POU6F2: variants seen among roughly 807,000 people sequenced by gnomAD.
The protein encoded by POU6F2 is POU class 6 homeobox 2.
A neutral mutation model predicts 71.3 loss-of-function variants in POU6F2; 31 were observed. The observed-to-expected ratio is 0.43, with a 90% CI of 0.33 to 0.59. POU6F2 has a LOEUF of 0.59. Among genes scored for constraint, POU6F2 ranks in the 20% least tolerant of loss-of-function variants. The probability of loss-of-function intolerance (pLI) is 0.04; values close to 1 mark genes in which losing one functional copy is unlikely to be tolerated. For missense variants in POU6F2, 783 were observed against 856.8 expected (o/e 0.91, Z 1.07); for synonymous variants, 347 against 355.7 (o/e 0.98, Z 0.27).
At chr7:39,211,346 G>T (rs1010504497) in intron 4 of POU6F2, among the ~76,000 whole-genome samples, 2 of 152,082 alleles carry the variant, frequency 1.3e-5, no homozygotes, top group Admixed American at 1.3e-4. Context: ...ACCACCCCAG[G>T]CCTCCAGATG....
chr7:39,428,778 C>G (rs28558150), intron 6 of POU6F2, among the ~76,000 whole-genome samples: 3 of 152,000 alleles, frequency 2.0e-5, no homozygotes, highest in African/African-American at 4.8e-5. Flanking sequence ...CCCTACACTC[C>G]CGTCAAAACT....
chr7:39,378,885 C>T (rs1485463566), intron 5 of POU6F2, among the ~76,000 whole-genome samples: 1 of 152,212 alleles, frequency 6.6e-6, no homozygotes, highest in Admixed American at 6.5e-5. Context: ...TCTTTAAGCT[C>T]TCTTGATGCT....
intron 6 of POU6F2, among the ~76,000 whole-genome samples, chr7:39,432,535 A>AT (rs1290617969): frequency 3.3e-5 from 5 of 152,140 alleles, no homozygotes; most frequent in Non-Finnish European, 7.4e-5. Context: ...ACCACTGTGA[A>AT]CACCAGGGTG....
intron 2 of POU6F2, among the ~76,000 whole-genome samples, chr7:39,095,753 C>G (rs1791442751): frequency 6.6e-6 from 1 of 152,080 alleles, no homozygotes; most frequent in South Asian, 2.1e-4. Flanking sequence ...TAAGTTAAAA[C>G]AAGAACCACA....
chr7:38,991,519 T>C (rs1404028476), intron 1 of POU6F2, among the ~76,000 whole-genome samples: 1 of 152,202 alleles, frequency 6.6e-6, no homozygotes, highest in African/African-American at 2.4e-5. Flanking sequence ...AGGAAAAAGA[T>C]CAAATTCACA....
intron 2 of POU6F2, among the ~76,000 whole-genome samples, chr7:39,088,702 A>C (rs1435053867): frequency 6.6e-6 from 1 of 152,228 alleles, no homozygotes; most frequent in African/African-American, 2.4e-5. Flanking sequence ...TGATATGTTT[A>C]GTTTCATGGA....
intron 4 of POU6F2, among the ~76,000 whole-genome samples, chr7:39,321,631 G>A (rs1327924217): frequency 1.3e-5 from 2 of 152,196 alleles, no homozygotes; most frequent in African/African-American, 4.8e-5. Context: ...GCATTTGCAT[G>A]TCTGTTTTCC....
rs559107905 is a variant in POU6F2, at chr7:39,024,483, T to C, written c.105+46425T>C. ...CAATTTGACTTCCTCTTTTCCTAAT[T>C]GAATACCCTTTATTTCCTTCTCCTG... is the stretch of plus-strand genomic sequence containing the variant. On this transcript the variant is annotated intron_variant, in intron 1 of 9. Coordinates refer to ENST00000518318, the MANE Select transcript of POU6F2 (RefSeq NM_001370959.1). Among the ~76,000 whole-genome samples, 1,211 of 152,192 alleles carry C rather than the reference T, an allele frequency of 8.0e-3. 14 individuals carry two copies. The highest frequency in any genetic ancestry group is 0.028 in the African/African-American group (1,146 of 41,518).
At chr7:39,096,742 G>A (rs1488067771) in intron 2 of POU6F2, among the ~76,000 whole-genome samples, 1 of 122,480 alleles carries the variant, frequency 8.2e-6, no homozygotes, top group African/African-American at 2.8e-5. Flanking sequence ...CACTTTTGCA[G>A]CCTAGAAAAA....
At chr7:39,222,585 G>C (rs965553367) in intron 4 of POU6F2, among the ~76,000 whole-genome samples, 5 of 151,906 alleles carry the variant, frequency 3.3e-5, no homozygotes, top group African/African-American at 4.8e-5. Flanking sequence ...CCCAGTCCCT[G>C]GCAACCACCA....
At chr7:39,024,221 G>A (rs570972410) in intron 1 of POU6F2, among the ~76,000 whole-genome samples, 3,596 of 151,740 alleles carry the variant, frequency 0.024, 144 homozygotes, top group African/African-American at 0.083. Flanking sequence ...GGTCCTTCAC[G>A]TCCCTTGTAA....
intron 7 of POU6F2, among the ~76,000 whole-genome samples, chr7:39,441,291 A>G (rs1788398821): frequency 6.6e-6 from 1 of 151,894 alleles, no homozygotes; most frequent in African/African-American, 2.4e-5. Context: ...GAAGTAAACC[A>G]TCTACTGTGA....
chr7:39,088,217 GA>G (rs1791295637), intron 2 of POU6F2, among the ~76,000 whole-genome samples: 1 of 151,998 alleles, frequency 6.6e-6, no homozygotes, highest in African/African-American at 2.4e-5. Context: ...GAGAACTTGA[GA>G]AAAAATTAGA....
At chr7:39,085,741 A>C (rs1208803809) in intron 1 of POU6F2, 119 bp from the exon 2 acceptor site, 1 of 1,011,778 alleles carries the variant, frequency 9.9e-7, no homozygotes, top group African/African-American at 1.6e-5. Context: ...GAGAGAGGAG[A>C]GAGGGAGAGT....
intron 4 of POU6F2, among the ~76,000 whole-genome samples, chr7:39,225,744 G>C (rs1794448877): frequency 1.3e-5 from 2 of 152,324 alleles, no homozygotes; most frequent in Non-Finnish European, 2.9e-5. Context: ...GCCACATGCT[G>C]TGTATGTAAT....
At chr7:39,075,447 AGAG>A (rs1790980568) in intron 1 of POU6F2, among the ~76,000 whole-genome samples, 1 of 152,210 alleles carries the variant, frequency 6.6e-6, no homozygotes, top group South Asian at 2.1e-4. Context: ...GAAACCATAA[AGAG>A]CTGGATGGTT....
intron 5 of POU6F2, among the ~76,000 whole-genome samples, chr7:39,397,814 G>GTATATATATATATATATATA (rs150006644): frequency 0.014 from 1,753 of 128,188 alleles, 40 homozygotes; most frequent in East Asian, 0.029. Flanking sequence ...TATATTTTGT[G>GTATATATATATATATATATA]TATATATATA....
chr7:39,097,913 A>G (rs1055967538), intron 2 of POU6F2, among the ~76,000 whole-genome samples: 2 of 152,254 alleles, frequency 1.3e-5, no homozygotes, highest in Admixed American at 6.5e-5. Flanking sequence ...ATACTTTTCA[A>G]GAGTTGTTTG....
chr7:39,429,996 C>T (rs922543747), intron 6 of POU6F2, among the ~76,000 whole-genome samples: 8 of 152,128 alleles, frequency 5.3e-5, no homozygotes, highest in African/African-American at 7.2e-5. Context: ...TCCATTCTTG[C>T]GACCTCTGTG....
Sources: gnomAD v4.1 joint callset for allele counts (sites outside exome capture counted in the v4.1 genomes callset) on GRCh38, gnomAD v4.1.1 for gene constraint, MANE v1.5 for transcripts, NCBI Gene and HGNC (gene_info 2026-07-23, HGNC 2026-07-21) for gene names.